KANSL1: variants seen among roughly 807,000 people sequenced by gnomAD.
KANSL1 encodes the protein KAT8 regulatory NSL complex subunit 1.
A neutral mutation model predicts 103.6 loss-of-function variants in KANSL1; 22 were observed. The observed-to-expected ratio is 0.21, with a 90% CI of 0.15 to 0.30. KANSL1 has a LOEUF of 0.30. Among genes scored for constraint, KANSL1 ranks in the 10% least tolerant of loss-of-function variants. The probability of loss-of-function intolerance (pLI) is 1.00; values close to 1 mark genes in which losing one functional copy is unlikely to be tolerated. For missense variants in KANSL1, 1,337 were observed against 1,399.8 expected (o/e 0.96, Z 0.72); for synonymous variants, 600 against 527.6 (o/e 1.14, Z -1.88).
In KANSL1 at chr17:46,115,090, C is replaced by T. The variant is rs960843446; in HGVS notation, c.1290-20389G>A. Among the ~76,000 whole-genome samples the T allele has an allele frequency of 9.2e-5, 14 of 152,166 alleles. No individual in the cohort carries two copies. The South Asian group carries it at 1.2e-3, about 14-fold the overall frequency. ...ATTTATTTATTTTGAGATGGAGTTT[C>T]GCTCTTGTCATGCAGGCAGGAGTGC... On this transcript the variant is annotated intron_variant, in intron 2 of 14. Coordinates refer to ENST00000432791, the MANE Select transcript of KANSL1 (RefSeq NM_015443.4).
At chr17:46,034,434 A>G (rs2077092798) in intron 10 of KANSL1, 149 bp from the exon 11 acceptor site, 5 of 756,640 alleles carry the variant, frequency 6.6e-6, no homozygotes, top group Non-Finnish European at 6.4e-6. Flanking sequence ...GCTCCCACCT[A>G]GGAGTCAGTC....
chr17:46,062,091 CAAAAAAAAAAAAAAAAAACAAACAAACA>C, intron 6 of KANSL1, among the ~76,000 whole-genome samples: 1 of 70,082 alleles, frequency 1.4e-5, no homozygotes, highest in Non-Finnish European at 2.4e-5. Flanking sequence ...GACTCCGACT[CAAAAAAAAAAAAAAAAAACAAACAAACA>C]AAAAAAAAAA....
chr17:46,185,678 T>C (rs1325175971), intron 1 of KANSL1, among the ~76,000 whole-genome samples: 6 of 137,880 alleles, frequency 4.4e-5, no homozygotes, highest in Middle Eastern at 3.7e-3. Context: ...CACATATATA[T>C]ACACACACAT....
At chr17:46,175,258 A>C (rs1374286703) in intron 1 of KANSL1, among the ~76,000 whole-genome samples, 1 of 152,160 alleles carries the variant, frequency 6.6e-6, no homozygotes, top group Non-Finnish European at 1.5e-5. Flanking sequence ...TGACTGAGAA[A>C]ACATTATTCA....
chr17:46,084,697 T>TAAA (rs67108405), intron 3 of KANSL1, among the ~76,000 whole-genome samples: 38 of 74,510 alleles, frequency 5.1e-4, no homozygotes, highest in African/African-American at 1.7e-3. Flanking sequence ...TTTTAAAAAT[T>TAAA]AAAAAAAAAA....
chr17:46,132,677 G>A (rs1365782984), intron 2 of KANSL1, among the ~76,000 whole-genome samples: 1 of 152,230 alleles, frequency 6.6e-6, no homozygotes, highest in Non-Finnish European at 1.5e-5. Context: ...GCCAGGTTCA[G>A]TGGCTCTTGC....
chr17:46,178,872 A>G (rs541345654), intron 1 of KANSL1, among the ~76,000 whole-genome samples: 1 of 152,344 alleles, frequency 6.6e-6, no homozygotes, highest in East Asian at 1.9e-4. Context: ...TAAAGTTCAA[A>G]TATGTGACCT....
chr17:46,034,229 G>T lies in KANSL1; in HGVS notation c.2598C>A (p.Val866=). 6.2e-7 allele frequency: 1 copy of T among 1,613,432 alleles called. No homozygotes were observed. The highest frequency in any genetic ancestry group is 1.1e-5 in the South Asian group (1 of 91,046). The change falls in exon 11 of 15, where the codon GTC becomes GTA. Residue 866 remains valine (V), a synonymous_variant. Coordinates refer to ENST00000432791, the MANE Select transcript of KANSL1 (RefSeq NM_015443.4). ...TTGTTGCAGCAACAGACATTGGGAT[G>T]ACAATGTTGTTAATATCAAATGAGC... ...GESSFDINNI[V]IPMSVAATTR...
Position 46,035,976 on chromosome 17 carries a change from C to G in KANSL1, c.2542-1691G>C, listed in dbSNP as rs2077134759. On this transcript the variant is annotated intron_variant, in intron 10 of 14. Coordinates refer to ENST00000432791, the MANE Select transcript of KANSL1 (RefSeq NM_015443.4). ...TAGAGAGCAGGTGATGAGAATAAAA[C>G]TGGTTCCCAAACTTGGTTGTATATC... 3 of 150,744 alleles carry G rather than the reference C, an allele frequency of 2.0e-5. No homozygotes were observed. In the South Asian group the frequency reaches 6.2e-4, roughly 31 times the overall value. 9.3% of individuals were successfully genotyped at this position (150,744 alleles called of 1,614,324 possible).
rs141079820 is a variant in KANSL1, at chr17:46,046,876, A to G, written c.2020+3657T>C. 3.3e-5 allele frequency among the ~76,000 whole-genome samples: 5 copies of G among 151,940 alleles called. No homozygotes were observed. The East Asian group carries it at 9.6e-4, about 29-fold the overall frequency. Reference sequence around the variant, plus strand: ...AAAAAAAAAGAATTTTGAAAGCAGCATATGAGACAAATATGAGAAGAGTAC... The same window carrying G: ...AAAAAAAAAGAATTTTGAAAGCAGCGTATGAGACAAATATGAGAAGAGTAC... On this transcript the variant is annotated intron_variant, in intron 7 of 14. Transcript: ENST00000432791.
intron 2 of KANSL1, among the ~76,000 whole-genome samples, chr17:46,150,883 G>A (rs1267351793): frequency 7.3e-6 from 1 of 137,656 alleles, no homozygotes; most frequent in Non-Finnish European, 1.5e-5. Flanking sequence ...TTTATAAACA[G>A]AAATTTAAGA....
At chr17:46,045,440 A>AAAAAAAAAAATATATATATATATATATAT (rs950085495) in intron 7 of KANSL1, 8 of 144,858 alleles carry the variant, frequency 5.5e-5, no homozygotes, top group Admixed American at 1.4e-4. Flanking sequence ...TACATGTAAA[A>AAAAAAAAAAATATATATATATATATATAT]ATATATATAT....
intron 1 of KANSL1, among the ~76,000 whole-genome samples, chr17:46,180,910 G>A (rs1014546135): frequency 7.2e-5 from 11 of 152,264 alleles, no homozygotes; most frequent in Middle Eastern, 3.4e-3. Context: ...AATGACAGCA[G>A]AGTATCATTA....
intron 1 of KANSL1, among the ~76,000 whole-genome samples, chr17:46,200,781 T>G (rs2047778176): frequency 6.6e-6 from 1 of 152,070 alleles, no homozygotes; most frequent in Non-Finnish European, 1.5e-5. Flanking sequence ...TTACGTCAGT[T>G]GCTGATTCTA....
intron 2 of KANSL1, among the ~76,000 whole-genome samples, chr17:46,147,315 T>G (rs931643808): frequency 9.8e-5 from 15 of 152,332 alleles, no homozygotes; most frequent in African/African-American, 3.1e-4. Flanking sequence ...GGCTCATGCC[T>G]GTAAACCCAG....
chr17:46,117,946 A>T (rs1293062816), intron 2 of KANSL1, among the ~76,000 whole-genome samples: 1 of 152,224 alleles, frequency 6.6e-6, no homozygotes, highest in East Asian at 1.9e-4. Context: ...ATTCTTTAAA[A>T]ACTACTATCT....
Position 46,108,053 on chromosome 17 carries a change from C to T in KANSL1, c.1290-13352G>A, listed in dbSNP as rs565264716. ...GGCTTCTAGCTCTCACCCTTGACCA[C>T]TTTCAGGATATTATCATGAACATAG... is the stretch of plus-strand genomic sequence containing the variant. On this transcript the variant is annotated intron_variant, in intron 2 of 14. Transcript: ENST00000432791. Among the ~76,000 whole-genome samples, 5 of 147,598 alleles carry T rather than the reference C, an allele frequency of 3.4e-5. No individual in the cohort carries two copies. In the South Asian group the frequency reaches 1.0e-3, roughly 31 times the overall value.
intron 3 of KANSL1, among the ~76,000 whole-genome samples, chr17:46,083,810 T>C (rs1050514727): frequency 6.6e-6 from 1 of 152,140 alleles, no homozygotes; most frequent in Non-Finnish European, 1.5e-5. Flanking sequence ...AAAGTATAGA[T>C]TTGGGGGACT....
At chr17:46,046,791 T>C (rs946615647) in intron 7 of KANSL1, among the ~76,000 whole-genome samples, 2 of 147,120 alleles carry the variant, frequency 1.4e-5, no homozygotes, top group African/African-American at 5.0e-5. Flanking sequence ...GACCCGAGAT[T>C]GCACGACTGC....
Sources: gnomAD v4.1 joint callset for allele counts (sites outside exome capture counted in the v4.1 genomes callset) on GRCh38, gnomAD v4.1.1 for gene constraint, MANE v1.5 for transcripts, NCBI Gene and HGNC (gene_info 2026-07-23, HGNC 2026-07-21) for gene names.